Variants in GUCY1A1 observed in about 807,000 individuals in gnomAD.
The protein encoded by GUCY1A1 is guanylate cyclase soluble subunit alpha-1.
GUCY1A1 carries 48 observed loss-of-function variants against 64.5 expected under a neutral mutation model. The observed-to-expected ratio is 0.74, with a 90% CI of 0.59 to 0.95. GUCY1A1 has a LOEUF of 0.95. GUCY1A1 is among the 40% of genes least tolerant of loss of function. The probability of loss-of-function intolerance (pLI) is 0.00; values close to 1 mark genes in which losing one functional copy is unlikely to be tolerated. For missense variants in GUCY1A1, 804 were observed against 825.3 expected (o/e 0.97, Z 0.32); for synonymous variants, 308 against 303.4 (o/e 1.02, Z -0.16).
intron 5 of GUCY1A1, among the ~76,000 whole-genome samples, chr4:155,709,042 A>G (rs1732183084): frequency 6.6e-6 from 1 of 152,202 alleles, no homozygotes; most frequent in Non-Finnish European, 1.5e-5. Flanking sequence ...GCATTTTGCC[A>G]ACAAAAATAG....
At chr4:155,704,107 A>G in intron 4 of GUCY1A1, 114 bp downstream of exon 4, 1 of 640,804 alleles carries the variant, frequency 1.6e-6, no homozygotes, top group South Asian at 2.3e-5. Context: ...GTGGTATGTC[A>G]GAAACTGGAC....
intron 9 of GUCY1A1, chr4:155,722,489 G>T: frequency 9.0e-7 from 1 of 1,117,084 alleles, no homozygotes; most frequent in South Asian, 2.4e-5. Flanking sequence ...GTTGATAGGT[G>T]TTCTGACATC....
chr4:155,707,944 T>C (rs967271135), intron 4 of GUCY1A1, among the ~76,000 whole-genome samples: 2 of 151,786 alleles, frequency 1.3e-5, no homozygotes, highest in African/African-American at 4.8e-5. Context: ...GTTCAAGTAA[T>C]TCTTCTGCCT....
chr4:155,702,791 T>C (rs1731261384), intron 3 of GUCY1A1, among the ~76,000 whole-genome samples: 1 of 152,114 alleles, frequency 6.6e-6, no homozygotes, highest in Non-Finnish European at 1.5e-5. Context: ...ACTCATGTCA[T>C]TAAAACAGAA....
chr4:155,711,484 A>G, intron 6 of GUCY1A1: 2 of 333,218 alleles, frequency 6.0e-6, no homozygotes, highest in Middle Eastern at 8.6e-4. Context: ...GCCTTTTAAT[A>G]TCTTTATGGA....
In GUCY1A1 at chr4:155,735,253, T is replaced by C. The variant is rs1037471710; in HGVS notation, c.*5022T>C. Reference sequence around the variant, plus strand: ...ATTTATGTCCATTTATTTTCATATATAGTATCTGCCAAAATAGTAGCAAAA... The same window carrying C: ...ATTTATGTCCATTTATTTTCATATACAGTATCTGCCAAAATAGTAGCAAAA... On this transcript the variant is annotated 3_prime_UTR_variant, in exon 10 of 10. Coordinates refer to ENST00000506455, the MANE Select transcript of GUCY1A1 (RefSeq NM_001130682.3). 6.6e-6 allele frequency: 1 copy of C among 151,928 alleles called. No individual in the cohort carries two copies. Among genetic ancestry groups the C allele is most frequent in the Non-Finnish European group, 1.5e-5 (1 of 67,932 alleles). The allele number at this position is 151,928 out of a possible 1,614,324, so 9.4% of individuals were successfully genotyped here.
At position 155,713,582 on chromosome 4, in the gene GUCY1A1, A is replaced by G; in HGVS notation, c.1571A>G (p.Lys524Arg). The part of the protein sequence containing the change: ...DQQCGELDVY[K>R]VETIGDAYCV... ...CAGTGTGGAGAGCTGGATGTCTACA[A>G]GGTAGGAGTGGACCAGGGAAATAAT... The change falls in exon 7 of 10, where the codon AAG becomes AGG. Residue 524 changes from lysine (K) to arginine (R), a missense_variant and splice_region_variant. Lys to Arg is a conservative substitution (Grantham distance 26). Transcript: ENST00000506455. 2 of 1,609,314 alleles carry G rather than the reference A, an allele frequency of 1.2e-6. No homozygotes were observed. Among genetic ancestry groups the G allele is most frequent in the Non-Finnish European group, 1.7e-6 (2 of 1,176,056 alleles).
chr4:155,688,458 C>T (rs2126671563), intron 2 of GUCY1A1, among the ~76,000 whole-genome samples: 1 of 152,232 alleles, frequency 6.6e-6, no homozygotes, highest in Non-Finnish European at 1.5e-5. Flanking sequence ...AGAAATCTAT[C>T]AATTAGCCCA....
At chr4:155,691,521 T>C (rs1337257289) in intron 2 of GUCY1A1, among the ~76,000 whole-genome samples, 1 of 152,212 alleles carries the variant, frequency 6.6e-6, no homozygotes, top group Non-Finnish European at 1.5e-5. Context: ...TTTATGAAAA[T>C]AGTTGTTACA....
rs13132393 is a variant in GUCY1A1 at position 155,730,677 on chromosome 4, A to C, written c.*446A>C. 5,804 of 153,960 alleles carry C rather than the reference A, an allele frequency of 0.038. 137 individuals carry two copies. Among genetic ancestry groups the C allele is most frequent in the Middle Eastern group, 0.075 (22 of 294 alleles). The allele number at this position is 153,960 out of a possible 1,614,324, so 9.5% of individuals were successfully genotyped here. A position where few individuals can be genotyped will look rare whatever the true frequency, so the allele number is the denominator to read the frequency against. ...TTCTTTGACACCCTCAGTTCTTTCAAACTTTCAACTCTGCATTTTATTGCA... is the reference window on the plus strand; with the variant it reads ...TTCTTTGACACCCTCAGTTCTTTCACACTTTCAACTCTGCATTTTATTGCA... On this transcript the variant is annotated 3_prime_UTR_variant, in exon 10 of 10. Coordinates refer to ENST00000506455, the MANE Select transcript of GUCY1A1 (RefSeq NM_001130682.3).
chr4:155,718,753 T>C (rs1030418244), intron 8 of GUCY1A1, among the ~76,000 whole-genome samples: 6 of 152,148 alleles, frequency 3.9e-5, no homozygotes, highest in African/African-American at 7.2e-5. Context: ...GGAAGCTGCA[T>C]GACTTAGTCT....
chr4:155,730,311 T>C lies in GUCY1A1; in HGVS notation c.*80T>C. On this transcript the variant is annotated 3_prime_UTR_variant, in exon 10 of 10. Transcript: ENST00000506455. ...GAGCCTCTGAAAGCACTTTAGGGAT[T>C]GTAGATGGCTAACAAGCAGTATTAA... The C allele has an allele frequency of 1.3e-6, 1 of 796,098 alleles. No individual in the cohort carries two copies. Among genetic ancestry groups the C allele is most frequent in the Non-Finnish European group, 2.1e-6 (1 of 477,740 alleles). The allele number at this position is 796,098 out of a possible 1,614,324, so 49.3% of individuals were successfully genotyped here.
intron 9 of GUCY1A1, among the ~76,000 whole-genome samples, chr4:155,725,246 G>A (rs1734501046): frequency 6.6e-6 from 1 of 152,070 alleles, no homozygotes; most frequent in Non-Finnish European, 1.5e-5. Context: ...CAGAAGGAAA[G>A]CAAGAAGTAT....
chr4:155,725,640 T>A (rs1734562606), intron 9 of GUCY1A1, among the ~76,000 whole-genome samples: 2 of 152,124 alleles, frequency 1.3e-5, no homozygotes, highest in African/African-American at 4.8e-5. Context: ...CTTTTTAAAT[T>A]CTTGCATTTT....
chr4:155,724,754 C>CTA (rs1734430757), intron 9 of GUCY1A1, among the ~76,000 whole-genome samples: 1 of 151,966 alleles, frequency 6.6e-6, no homozygotes. Flanking sequence ...TTTTATGACT[C>CTA]TAACTATTTT....
intron 2 of GUCY1A1, among the ~76,000 whole-genome samples, chr4:155,679,380 G>A (rs1275971772): frequency 1.3e-5 from 2 of 152,170 alleles, no homozygotes; most frequent in African/African-American, 2.4e-5. Flanking sequence ...TTGGCTCAAT[G>A]TTCTGCAGGC....
intron 7 of GUCY1A1, among the ~76,000 whole-genome samples, chr4:155,714,797 T>G (rs948250704): frequency 6.6e-6 from 1 of 152,162 alleles, no homozygotes; most frequent in African/African-American, 2.4e-5. Flanking sequence ...ATGATTCCCT[T>G]GGGGAAAAAG....
chr4:155,711,592 C>T (rs2126862239), intron 6 of GUCY1A1, among the ~76,000 whole-genome samples: 1 of 152,160 alleles, frequency 6.6e-6, no homozygotes, highest in South Asian at 2.1e-4. Flanking sequence ...TGTTTTACAA[C>T]AAACAAAAGT....
At chr4:155,677,791 G>A (rs1171838332) in intron 2 of GUCY1A1, among the ~76,000 whole-genome samples, 1 of 152,080 alleles carries the variant, frequency 6.6e-6, no homozygotes, top group Non-Finnish European at 1.5e-5. Context: ...GGCGGAGGTT[G>A]CAGTGAGCCA....
Sources: gnomAD v4.1 joint callset for allele counts (sites outside exome capture counted in the v4.1 genomes callset) on GRCh38, gnomAD v4.1.1 for gene constraint, MANE v1.5 for transcripts, NCBI Gene and HGNC (gene_info 2026-07-23, HGNC 2026-07-21) for gene names.